PLEKHH2: variants seen among roughly 807,000 people sequenced by gnomAD.
The protein encoded by PLEKHH2 is pleckstrin homology, MyTH4 and FERM domain containing H2.
Under a neutral mutation model 187.9 loss-of-function variants are expected in PLEKHH2, and 129 were observed. That is an observed-to-expected ratio of 0.69 (90% CI 0.59 to 0.79). PLEKHH2 has a LOEUF of 0.79. Ranked by LOEUF, PLEKHH2 falls within the 30% of genes least tolerant of loss-of-function variation. PLEKHH2 has a pLI of 0.00. For synonymous variants in PLEKHH2, 686 were observed against 605.6 expected (o/e 1.13, Z -1.95); for missense variants, 2,076 against 1,751.2 (o/e 1.19, Z -3.31).
intron 11 of PLEKHH2, among the ~76,000 whole-genome samples, chr2:43,708,826 A>G (rs914223522): frequency 2.0e-5 from 3 of 152,168 alleles, no homozygotes; most frequent in African/African-American, 7.2e-5. Context: ...GGCCTTAGCC[A>G]TGACAATCAC....
At chr2:43,688,932 C>T (rs1668658179) in intron 3 of PLEKHH2, among the ~76,000 whole-genome samples, 1 of 152,170 alleles carries the variant, frequency 6.6e-6, no homozygotes, top group Non-Finnish European at 1.5e-5. Flanking sequence ...GAAATATCCA[C>T]CTGACTGATC....
chr2:43,738,548 T>C (rs1671409916), intron 20 of PLEKHH2, 28 bp downstream of exon 20: 4 of 1,543,588 alleles, frequency 2.6e-6, no homozygotes, highest in Middle Eastern at 1.7e-4. Flanking sequence ...TACATATACA[T>C]GCAATTTAAA....
chr2:43,750,155 C>T (rs573875720), intron 24 of PLEKHH2, among the ~76,000 whole-genome samples: 142 of 152,134 alleles, frequency 9.3e-4, no homozygotes, highest in South Asian at 8.3e-3. Flanking sequence ...TATGTTCACA[C>T]CAAAAAAAAT....
intron 27 of PLEKHH2, among the ~76,000 whole-genome samples, chr2:43,761,654 A>C (rs992036800): frequency 6.6e-6 from 1 of 151,710 alleles, no homozygotes; most frequent in Non-Finnish European, 1.5e-5. Context: ...CAGATGATCC[A>C]CCCACCTCGG....
chr2:43,683,443 T>A (rs1668338681), intron 3 of PLEKHH2, among the ~76,000 whole-genome samples: 1 of 151,752 alleles, frequency 6.6e-6, no homozygotes, highest in South Asian at 2.1e-4. Flanking sequence ...CCGGCCCTCT[T>A]TTTTTTTGTT....
chr2:43,725,817 A>G (rs1371273371), intron 16 of PLEKHH2, among the ~76,000 whole-genome samples: 1 of 152,140 alleles, frequency 6.6e-6, no homozygotes, highest in African/African-American at 2.4e-5. Context: ...ATCATTTTTA[A>G]AAAGGTATGT....
Position 43,675,573 on chromosome 2 carries a change from C to G in PLEKHH2, c.124-3290C>G. ...TATTAGACAATGCCTCTTCAATAAG[C>G]TGTGCGATTGGTTTTGTATTAAATA... On this transcript the variant is annotated intron_variant, in intron 2 of 29. Transcript: ENST00000282406. 1.9e-6 allele frequency: 3 copies of G among 1,613,674 alleles called. 1 individual carries two copies. The highest frequency in any genetic ancestry group is 2.5e-6 in the Non-Finnish European group (3 of 1,179,724).
At chr2:43,710,607 T>C in intron 14 of PLEKHH2, 32 bp downstream of exon 14, 1 of 1,537,136 alleles carries the variant, frequency 6.5e-7, no homozygotes, top group South Asian at 1.2e-5. Flanking sequence ...TTTTTTTTTT[T>C]TGTATCATGC....
intron 14 of PLEKHH2, chr2:43,710,926 C>A: frequency 9.7e-7 from 1 of 1,026,714 alleles, no homozygotes; most frequent in Non-Finnish European, 1.2e-6. Flanking sequence ...ATATAATGTA[C>A]TGTGAAATTC....
At chr2:43,682,526 C>T (rs773655075) in intron 3 of PLEKHH2, among the ~76,000 whole-genome samples, 4 of 152,072 alleles carry the variant, frequency 2.6e-5, no homozygotes, top group Admixed American at 6.6e-5. Flanking sequence ...AGGCTGGTCT[C>T]GAACTCCTGA....
At chr2:43,745,637 A>G (rs1191254952) in intron 23 of PLEKHH2, among the ~76,000 whole-genome samples, 1 of 152,208 alleles carries the variant, frequency 6.6e-6, no homozygotes, top group Non-Finnish European at 1.5e-5. Context: ...TGAGTAAAAA[A>G]TGCGTGGCCA....
chr2:43,693,428 A>G (rs1668920287), intron 4 of PLEKHH2, among the ~76,000 whole-genome samples: 1 of 152,194 alleles, frequency 6.6e-6, no homozygotes. Context: ...ACTTTATTGG[A>G]ATCAAGTAAT....
At chr2:43,695,076 T>G in intron 5 of PLEKHH2, 67 bp from the exon 6 acceptor site, 1 of 796,572 alleles carries the variant, frequency 1.3e-6, no homozygotes. Flanking sequence ...TTTCTAATAT[T>G]ATAATTTATT....
chr2:43,657,402 G>T (rs1351020702), intron 2 of PLEKHH2, among the ~76,000 whole-genome samples: 5 of 152,282 alleles, frequency 3.3e-5, no homozygotes, highest in African/African-American at 1.2e-4. Context: ...AACTATCTGA[G>T]CCACCCTACT....
chr2:43,752,694 A>G (rs1452479579), intron 24 of PLEKHH2, among the ~76,000 whole-genome samples: 1 of 152,092 alleles, frequency 6.6e-6, no homozygotes, highest in Non-Finnish European at 1.5e-5. Flanking sequence ...CACCCACCCC[A>G]TTGTCACAGC....
chr2:43,723,886 G>T (rs1037676967), intron 16 of PLEKHH2, among the ~76,000 whole-genome samples: 7 of 152,172 alleles, frequency 4.6e-5, no homozygotes, highest in Admixed American at 2.6e-4. Flanking sequence ...GAGGAGATGG[G>T]TTAGGAGCCA....
chr2:43,697,405 A>T, intron 7 of PLEKHH2, 49 bp downstream of exon 7: 1 of 1,457,626 alleles, frequency 6.9e-7, no homozygotes, highest in African/African-American at 1.4e-5. Context: ...AAAAAGGAAG[A>T]CTCATTTGCT....
chr2:43,696,836 A>G (rs1462140300), intron 6 of PLEKHH2, among the ~76,000 whole-genome samples: 2 of 152,156 alleles, frequency 1.3e-5, no homozygotes, highest in African/African-American at 2.4e-5. Context: ...ATTTGTCAAT[A>G]CTTGACTTTG....
At chr2:43,726,500 T>G in intron 17 of PLEKHH2, 49 bp downstream of exon 17, 1 of 1,455,396 alleles carries the variant, frequency 6.9e-7, no homozygotes, top group Non-Finnish European at 9.5e-7. Context: ...ACTAATATTA[T>G]TCAGATATTG....
Sources: allele counts gnomAD v4.1 joint callset (sites outside exome capture counted in the v4.1 genomes callset), GRCh38; gene constraint gnomAD v4.1.1; transcripts MANE v1.5; gene names NCBI Gene and HGNC (gene_info 2026-07-23, HGNC 2026-07-21).